GPHN: variants seen among roughly 807,000 people sequenced by gnomAD.
GPHN encodes the protein gephyrin.
A neutral mutation model predicts 95.5 loss-of-function variants in GPHN; 17 were observed. The observed-to-expected ratio is 0.18, with a 90% CI of 0.12 to 0.27. GPHN has a LOEUF of 0.27. Among genes scored for constraint, GPHN ranks in the 10% least tolerant of loss-of-function variants. GPHN has a pLI of 1.00. For missense variants in GPHN, 660 were observed against 978.1 expected (o/e 0.67, Z 4.34); for synonymous variants, 320 against 322.5 (o/e 0.99, Z 0.08).
chr14:67,466,657 A>C, the GPHN span, among the ~76,000 whole-genome samples: 2 of 152,154 alleles, frequency 1.3e-5, no homozygotes, highest in African/African-American at 4.8e-5. Flanking sequence ...CCAGCTAGGC[A>C]CCTTGCAGGG....
At chr14:66,752,844 A>G (rs978869358) in intron 2 of GPHN, among the ~76,000 whole-genome samples, 14 of 151,898 alleles carry the variant, frequency 9.2e-5, no homozygotes, top group Admixed American at 8.5e-4. Flanking sequence ...CAACAAGACT[A>G]TAATGGACAA....
intron 21 of GPHN, among the ~76,000 whole-genome samples, chr14:67,178,467 G>A (rs1397331854): frequency 3.3e-5 from 5 of 152,212 alleles, no homozygotes; most frequent in South Asian, 2.1e-4. Flanking sequence ...TGGGTAATCC[G>A]ACCTTTCTCT....
chr14:66,532,259 T>C (rs1482363494), intron 1 of GPHN, among the ~76,000 whole-genome samples: 2 of 152,230 alleles, frequency 1.3e-5, no homozygotes, highest in Non-Finnish European at 2.9e-5. Context: ...GGGGTTCTGA[T>C]AGAGCTGTGA....
the GPHN span, among the ~76,000 whole-genome samples, chr14:67,338,927 AACATAATTTTAAGCTAAAAAT>A: frequency 2.0e-5 from 3 of 152,108 alleles, no homozygotes; most frequent in African/African-American, 4.8e-5. Flanking sequence ...CTTTTTAAAA[AACATAATTTTAAGCTAAAAAT>A]ACATAATTTT....
chr14:67,716,154 G>A, the GPHN span, among the ~76,000 whole-genome samples: 2 of 149,692 alleles, frequency 1.3e-5, no homozygotes, highest in Non-Finnish European at 3.0e-5. Context: ...CCGAGATCAC[G>A]CCACTGCACT....
At chr14:67,434,968 C>CTTTTT in the GPHN span, among the ~76,000 whole-genome samples, 1 of 147,362 alleles carries the variant, frequency 6.8e-6, no homozygotes, top group African/African-American at 2.6e-5. Context: ...TCTTCTCTCT[C>CTTTTT]TCTTTTTTTT....
intron 12 of GPHN, among the ~76,000 whole-genome samples, chr14:67,093,198 T>C (rs578054560): frequency 6.6e-6 from 1 of 152,258 alleles, no homozygotes; most frequent in Middle Eastern, 3.4e-3. Flanking sequence ...AAATTTTTTT[T>C]TCTTGTTTAC....
intron 5 of GPHN, among the ~76,000 whole-genome samples, chr14:66,901,294 CAGGT>C (rs2065119648): frequency 6.6e-6 from 1 of 151,984 alleles, no homozygotes; most frequent in Non-Finnish European, 1.5e-5. Flanking sequence ...CTTTGTCAGA[CAGGT>C]AGTTTGAAAT....
At chr14:66,949,939 C>T (rs982311156) in intron 8 of GPHN, among the ~76,000 whole-genome samples, 5 of 148,290 alleles carry the variant, frequency 3.4e-5, no homozygotes, top group African/African-American at 1.2e-4. Flanking sequence ...ATGTAACTCT[C>T]CATTTCTTCT....
chr14:66,765,426 G>T (rs1267202175), intron 2 of GPHN, among the ~76,000 whole-genome samples: 1 of 152,146 alleles, frequency 6.6e-6, no homozygotes, highest in Non-Finnish European at 1.5e-5. Flanking sequence ...ATGCCCATCA[G>T]TGGTAGACTG....
chr14:67,656,491 C>G, the GPHN span: 3 of 1,613,970 alleles, frequency 1.9e-6, no homozygotes, highest in African/African-American at 2.7e-5. Context: ...TCTGGTCAGT[C>G]TCTGTGGCAA....
chr14:66,973,434 T>C (rs1356624834), intron 9 of GPHN, among the ~76,000 whole-genome samples: 1 of 152,232 alleles, frequency 6.6e-6, no homozygotes, highest in Non-Finnish European at 1.5e-5. Flanking sequence ...CAGGATATTC[T>C]GTCTACTAAT....
chr14:67,692,772 C>T, the GPHN span: 1 of 859,214 alleles, frequency 1.2e-6, no homozygotes, highest in East Asian at 2.6e-5. Flanking sequence ...ATTAAGGGTC[C>T]ATTATATGTA....
the GPHN span, among the ~76,000 whole-genome samples, chr14:67,369,466 G>C: frequency 6.6e-6 from 1 of 152,186 alleles, no homozygotes; most frequent in Non-Finnish European, 1.5e-5. Flanking sequence ...GATCAATGAA[G>C]ACCTTGACTT....
chr14:66,808,327 T>C lies in GPHN; in HGVS notation c.202-16147T>C, dbSNP rs986710109. On this transcript the variant is annotated intron_variant, in intron 3 of 22. Coordinates refer to ENST00000478722, the MANE Select transcript of GPHN (RefSeq NM_020806.5). ...ATCCATTTATTCTCCTCCTCGGTTG[T>C]TTGCCTTCTTACTCTCTTAAAAGTA... is the stretch of plus-strand genomic sequence containing the variant. Among the ~76,000 whole-genome samples, 12 of 152,332 alleles carry C rather than the reference T, an allele frequency of 7.9e-5. No individual in the cohort carries two copies. The East Asian group carries it at 1.9e-3, about 24-fold the overall frequency.
the GPHN span, among the ~76,000 whole-genome samples, chr14:67,633,856 G>C: frequency 6.6e-6 from 1 of 152,056 alleles, no homozygotes; most frequent in Admixed American, 6.6e-5. Flanking sequence ...CTTATTCCTG[G>C]CTAATGTCTT....
chr14:67,407,252 G>C, the GPHN span, among the ~76,000 whole-genome samples: 1 of 151,906 alleles, frequency 6.6e-6, no homozygotes, highest in South Asian at 2.1e-4. Context: ...CTCCCGAGTA[G>C]CTGGGATTAG....
At chr14:67,137,522 T>C (rs936456976) in intron 17 of GPHN, among the ~76,000 whole-genome samples, 4 of 152,022 alleles carry the variant, frequency 2.6e-5, no homozygotes, top group African/African-American at 9.7e-5. Flanking sequence ...CCAGCACTTT[T>C]GGAGGCTGAG....
the GPHN span, chr14:67,333,626 A>G: frequency 1.3e-5 from 2 of 152,756 alleles, no homozygotes; most frequent in Admixed American, 1.3e-4. Flanking sequence ...TCTACACTCA[A>G]CACACTCTAA....
Sources: gnomAD v4.1 joint callset for allele counts (sites outside exome capture counted in the v4.1 genomes callset) on GRCh38, gnomAD v4.1.1 for gene constraint, MANE v1.5 for transcripts, NCBI Gene and HGNC (gene_info 2026-07-23, HGNC 2026-07-21) for gene names.